The following CYP19A1 variants were observed in gnomAD, a reference collection of about 807,000 sequenced individuals.
CYP19A1 encodes the protein cytochrome P450 family 19 subfamily A member 1, also known as aromatase.
Under a neutral mutation model 44.4 loss-of-function variants are expected in CYP19A1, and 32 were observed. That is an observed-to-expected ratio of 0.72 (90% CI 0.54 to 0.97). The LOEUF (loss-of-function observed/expected upper bound fraction) is 0.97, where lower values mean the gene tolerates loss of function less well. CYP19A1 is among the 50% of genes least tolerant of loss of function. CYP19A1 has a pLI of 0.00. For synonymous variants in CYP19A1, 212 were observed against 215.6 expected (o/e 0.98, Z 0.14); for missense variants, 598 against 637.8 (o/e 0.94, Z 0.67).
intron 1 of CYP19A1, among the ~76,000 whole-genome samples, chr15:51,246,837 T>C (rs2034079171): frequency 6.6e-6 from 1 of 152,214 alleles, no homozygotes; most frequent in African/African-American, 2.4e-5. Flanking sequence ...ATGTGAGGGC[T>C]GGGTGCCAAG....
rs563650732 is a variant in CYP19A1, at chr15:51,238,389, A to G, written c.146-1380T>C. 2.0e-5 allele frequency among the ~76,000 whole-genome samples: 3 copies of G among 152,352 alleles called. No homozygotes were observed. In the South Asian group the frequency reaches 6.2e-4, roughly 32 times the overall value. On this transcript the variant is annotated intron_variant, in intron 2 of 9. Coordinates refer to ENST00000396402, the MANE Select transcript of CYP19A1 (RefSeq NM_000103.4). ...TGCATAATATAATATCTCACTGGAT[A>G]TTTATAGCTTGGCACATTGTAGATG...
At chr15:51,231,769 T>C (rs2033056040) in intron 3 of CYP19A1, among the ~76,000 whole-genome samples, 2 of 152,208 alleles carry the variant, frequency 1.3e-5, no homozygotes, top group South Asian at 4.2e-4. Context: ...TAGATGACTA[T>C]TATATTCTCC....
At chr15:51,216,339 C>A (rs1481376368) in intron 6 of CYP19A1, among the ~76,000 whole-genome samples, 1 of 152,152 alleles carries the variant, frequency 6.6e-6, no homozygotes, top group African/African-American at 2.4e-5. Flanking sequence ...GCAGCCTCTG[C>A]CTCCTGGGTT....
intron 1 of CYP19A1, among the ~76,000 whole-genome samples, chr15:51,280,320 G>T (rs998036147): frequency 1.3e-5 from 2 of 151,536 alleles, no homozygotes; most frequent in Non-Finnish European, 2.9e-5. Flanking sequence ...GGATGGTCTT[G>T]ATCTCCTGAC....
chr15:51,214,134 T>C (rs979467929), intron 8 of CYP19A1, among the ~76,000 whole-genome samples: 1 of 152,214 alleles, frequency 6.6e-6, no homozygotes, highest in African/African-American at 2.4e-5. Flanking sequence ...ATAACTTGTT[T>C]TGCAGGGTCT....
In CYP19A1 at chr15:51,236,883, C is replaced by G. The variant is rs756686039; in HGVS notation, c.272G>C (p.Gly91Ala). Residue 91 changes from glycine (G) to alanine (A), a missense_variant, in exon 3 of 10, where the codon GGA (glycine) becomes GCA (alanine). Gly to Ala is a moderately conservative substitution (Grantham distance 60, BLOSUM62 0). Coordinates refer to ENST00000396402, the MANE Select transcript of CYP19A1 (RefSeq NM_000103.4). ...YGEFMRVWIS[G>A]EETLIISKSS... is the part of the protein sequence containing the mutation. ...CTTGCTGATAATGAGTGTTTCCTCT[C>G]CAGAGATCCAGACTCGCATGAATTC... is the stretch of plus-strand genomic sequence containing the variant. 1 of 1,614,184 alleles carries G rather than the reference C, an allele frequency of 6.2e-7. No homozygotes were observed. Among genetic ancestry groups the G allele is most frequent in the Non-Finnish European group, 8.5e-7 (1 of 1,180,008 alleles).
At chr15:51,281,972 A>G (rs2035533852) in intron 1 of CYP19A1, among the ~76,000 whole-genome samples, 1 of 152,230 alleles carries the variant, frequency 6.6e-6, no homozygotes, top group Non-Finnish European at 1.5e-5. Context: ...GAGGTAGAAA[A>G]GGCAAGAAAA....
At chr15:51,253,256 C>T (rs1335524620) in intron 1 of CYP19A1, among the ~76,000 whole-genome samples, 3 of 152,162 alleles carry the variant, frequency 2.0e-5, no homozygotes, top group Non-Finnish European at 4.4e-5. Flanking sequence ...AGCAAAACCT[C>T]AATAAACTTA....
intron 3 of CYP19A1, among the ~76,000 whole-genome samples, chr15:51,235,684 T>A (rs1325312847): frequency 6.6e-6 from 1 of 152,242 alleles, no homozygotes; most frequent in Non-Finnish European, 1.5e-5. Flanking sequence ...CTTCAAATAT[T>A]TGGGCTTTGA....
At chr15:51,310,960 T>C (rs2033628241) in intron 1 of CYP19A1, among the ~76,000 whole-genome samples, 1 of 152,212 alleles carries the variant, frequency 6.6e-6, no homozygotes, top group Admixed American at 6.5e-5. Flanking sequence ...CTACACAAGA[T>C]GAGACAGAGC....
intron 4 of CYP19A1, 30 bp from the exon 5 acceptor site, chr15:51,222,555 T>C (rs1225054089): frequency 3.8e-6 from 6 of 1,592,964 alleles, no homozygotes; most frequent in African/African-American, 2.7e-5. Flanking sequence ...GAATCAGCCA[T>C]CACGAACTCC....
chr15:51,271,765 AG>A (rs2035135625), intron 1 of CYP19A1, among the ~76,000 whole-genome samples: 1 of 152,256 alleles, frequency 6.6e-6, no homozygotes, highest in Admixed American at 6.5e-5. Flanking sequence ...GATTAGTCCA[AG>A]GATTTCCAAA....
At chr15:51,331,736 C>A (rs2036704940) in intron 1 of CYP19A1, among the ~76,000 whole-genome samples, 1 of 152,102 alleles carries the variant, frequency 6.6e-6, no homozygotes, top group Non-Finnish European at 1.5e-5. Flanking sequence ...TGACTTTTTG[C>A]AAATTATTAT....
Position 51,210,433 on chromosome 15 carries a change from CA to C in CYP19A1, c.*374del. 1 of 517,460 alleles carries C rather than the reference CA, an allele frequency of 1.9e-6. No individual in the cohort carries two copies. The allele number at this position is 517,460 out of a possible 1,614,324, so 32.1% of individuals were successfully genotyped here. A position where few individuals can be genotyped will look rare whatever the true frequency, so the allele number is the denominator to read the frequency against. ...CTAATCAACTTGAGTGTTTCTGCCC[CA>C]GACATAAAAATCCCCTTGGGTTGAG... is the stretch of plus-strand genomic sequence containing the variant. On this transcript the variant is annotated 3_prime_UTR_variant, in exon 10 of 10. Coordinates refer to ENST00000396402, the MANE Select transcript of CYP19A1 (RefSeq NM_000103.4).
intron 2 of CYP19A1, 117 bp downstream of exon 2, chr15:51,242,651 T>A: frequency 1.4e-6 from 1 of 709,574 alleles, no homozygotes; most frequent in Non-Finnish European, 2.6e-6. Flanking sequence ...ACAGACATAG[T>A]CTTCAGAGAT....
At chr15:51,214,759 G>T (rs1235819530) in intron 8 of CYP19A1, among the ~76,000 whole-genome samples, 3 of 152,232 alleles carry the variant, frequency 2.0e-5, no homozygotes, top group African/African-American at 7.2e-5. Context: ...AACAATGGTT[G>T]CCACTGGAGA....
intron 8 of CYP19A1, 92 bp downstream of exon 8, chr15:51,214,978 T>C: frequency 6.6e-7 from 1 of 1,525,626 alleles, no homozygotes; most frequent in Non-Finnish European, 8.8e-7. Context: ...TATAAAAAAT[T>C]TCATGTTTGA....
At chr15:51,247,525 A>T (rs2034117277) in intron 1 of CYP19A1, among the ~76,000 whole-genome samples, 1 of 152,076 alleles carries the variant, frequency 6.6e-6, no homozygotes, top group Non-Finnish European at 1.5e-5. Context: ...GCTGGCATGC[A>T]GTGGTGACAC....
At chr15:51,237,934 G>A (rs2033510587) in intron 2 of CYP19A1, among the ~76,000 whole-genome samples, 1 of 152,224 alleles carries the variant, frequency 6.6e-6, no homozygotes, top group African/African-American at 2.4e-5. Context: ...CATTCTGTCA[G>A]TGAAATCATT....
Sources: gnomAD v4.1 joint callset for allele counts (sites outside exome capture counted in the v4.1 genomes callset) on GRCh38, gnomAD v4.1.1 for gene constraint, MANE v1.5 for transcripts, NCBI Gene and HGNC (gene_info 2026-07-23, HGNC 2026-07-21) for gene names.